CHST15: variants seen among roughly 807,000 people sequenced by gnomAD.
CHST15 encodes carbohydrate sulfotransferase 15, also known as B cell RAG associated protein (GALNAC4S-6ST).
CHST15 carries 30 observed loss-of-function variants against 53.6 expected under a neutral mutation model. The observed-to-expected ratio is 0.56, with a 90% CI of 0.42 to 0.76. The LOEUF (loss-of-function observed/expected upper bound fraction) is 0.76, where lower values mean the gene tolerates loss of function less well. Ranked by LOEUF, CHST15 falls within the 30% of genes least tolerant of loss-of-function variation. The pLI is 0.00. For synonymous variants in CHST15, 296 were observed against 289.8 expected, an observed-to-expected ratio of 1.02 and a Z score of -0.22; for missense variants, 627 against 740.5, an observed-to-expected ratio of 0.85 and a Z score of 1.78.
intron 1 of CHST15, among the ~76,000 whole-genome samples, chr10:124,061,595 T>A (rs1441734814): frequency 6.6e-6 from 1 of 152,236 alleles, no homozygotes; most frequent in Admixed American, 6.5e-5. Flanking sequence ...GGGCTATGCT[T>A]TCTGTTTACA....
At position 124,008,119 on chromosome 10, in the gene CHST15, T is replaced by C. The variant is rs1345400883; in HGVS notation, c.*2030A>G. ...GAAATAATACCTTCAGTAATACTTC[T>C]GTAAGAAGCAGAATTACACCACATG... On this transcript the variant is annotated 3_prime_UTR_variant, in exon 8 of 8. Transcript: ENST00000435907. 8.1e-7 allele frequency: 1 copy of C among 1,231,518 alleles called. No homozygotes were observed. Among genetic ancestry groups the C allele is most frequent in the East Asian group, 3.2e-5 (1 of 31,718 alleles). 76.3% of individuals were successfully genotyped at this position (1,231,518 alleles called of 1,614,324 possible).
intron 1 of CHST15, among the ~76,000 whole-genome samples, chr10:124,068,199 A>G (rs1459990777): frequency 1.3e-5 from 2 of 152,168 alleles, no homozygotes; most frequent in African/African-American, 4.8e-5. Context: ...AGTGGTTTAC[A>G]TGCTGACCAC....
At chr10:124,034,604 C>G (rs1202279917) in intron 5 of CHST15, among the ~76,000 whole-genome samples, 2 of 142,486 alleles carry the variant, frequency 1.4e-5, no homozygotes, top group East Asian at 2.5e-4. Context: ...GCTCCACCCC[C>G]TAACAGGGAC....
At chr10:124,085,869 T>A (rs1031474356) in intron 1 of CHST15, among the ~76,000 whole-genome samples, 21 of 151,942 alleles carry the variant, frequency 1.4e-4, no homozygotes, top group Non-Finnish European at 2.1e-4. Context: ...GGCTCGATGA[T>A]GAAGTAGGCA....
chr10:124,079,770 C>T (rs1053747527), intron 1 of CHST15, among the ~76,000 whole-genome samples: 1 of 152,220 alleles, frequency 6.6e-6, no homozygotes, highest in Middle Eastern at 3.2e-3. Flanking sequence ...AGGTCTCTGT[C>T]ACAGCCAGGG....
intron 1 of CHST15, among the ~76,000 whole-genome samples, chr10:124,050,596 C>G (rs541433076): frequency 1.3e-5 from 2 of 152,288 alleles, no homozygotes; most frequent in East Asian, 3.9e-4. Context: ...ATTGTCAGTG[C>G]CCCCTGGGGT....
chr10:124,063,320 T>C (rs1257028984), intron 1 of CHST15, among the ~76,000 whole-genome samples: 2 of 151,860 alleles, frequency 1.3e-5, no homozygotes, highest in Non-Finnish European at 2.9e-5. Flanking sequence ...GAGGTGGAGG[T>C]TGCAGTGAGC....
At chr10:124,078,005 C>T (rs903636034) in intron 1 of CHST15, among the ~76,000 whole-genome samples, 7 of 152,234 alleles carry the variant, frequency 4.6e-5, no homozygotes, top group African/African-American at 1.7e-4. Context: ...AAAGCACCTA[C>T]AAGGGGCAAG....
At chr10:124,022,815 T>TC in intron 5 of CHST15, among the ~76,000 whole-genome samples, 1 of 144,090 alleles carries the variant, frequency 6.9e-6, no homozygotes. Context: ...GCATTTCTTT[T>TC]TTTTTTTTTT....
At position 124,024,981 on chromosome 10, in the gene CHST15, C is replaced by A. The variant is rs1946939768; in HGVS notation, c.1191-3569G>T. Among the ~76,000 whole-genome samples, 1 of 152,186 alleles carries A rather than the reference C, an allele frequency of 6.6e-6. No homozygotes were observed. The highest frequency in any genetic ancestry group is 2.4e-5 in the African/African-American group (1 of 41,460). ...AAGCCCAGTTTTTACCAAAGATGCC[C>A]ACAGAACTACCCAAATTGTTTGGTG... On this transcript the variant is annotated intron_variant, in intron 5 of 7. Transcript: ENST00000435907. The surrounding 1 kb of genome is among the most constrained non-coding windows in gnomAD (Gnocchi z 4.0).
In CHST15 at chr10:124,019,123, C is replaced by A. The variant is rs1032405169; in HGVS notation, c.1347+2133G>T. 6.6e-6 allele frequency among the ~76,000 whole-genome samples: 1 copy of A among 151,478 alleles called. No individual in the cohort carries two copies. The highest frequency in any genetic ancestry group is 2.4e-5 in the African/African-American group (1 of 41,154). On this transcript the variant is annotated intron_variant, in intron 6 of 7. Coordinates refer to ENST00000435907, the MANE Select transcript of CHST15 (RefSeq NM_001270764.2). This position sits in a 1 kb window ranked among gnomAD's most constrained non-coding sequence, Gnocchi z 4.6. ...GCACCAGGAAAGTGTAGATGTGGCA[C>A]GAAATGGGCCTGGCCTGAGTCACAG...
intron 5 of CHST15, among the ~76,000 whole-genome samples, chr10:124,030,582 C>T (rs1274070518): frequency 2.0e-5 from 3 of 152,182 alleles, no homozygotes; most frequent in African/African-American, 4.8e-5. Flanking sequence ...TCCACAGAGG[C>T]GTTCTCCTAA....
At chr10:124,042,192 G>T in intron 4 of CHST15, 109 bp downstream of exon 4, 1 of 1,158,784 alleles carries the variant, frequency 8.6e-7, no homozygotes, top group Non-Finnish European at 1.2e-6. Flanking sequence ...GAAGTTTGCT[G>T]CCACCATGTA....
chr10:124,065,576 G>A (rs1948727952), intron 1 of CHST15, among the ~76,000 whole-genome samples: 1 of 152,066 alleles, frequency 6.6e-6, no homozygotes, highest in African/African-American at 2.4e-5. Context: ...GACACCCACA[G>A]AGAGCTACTC....
chr10:124,044,237 G>C (rs1947868779), intron 3 of CHST15, among the ~76,000 whole-genome samples: 1 of 151,676 alleles, frequency 6.6e-6, no homozygotes, highest in Admixed American at 6.6e-5. Context: ...GCACAGAGCT[G>C]GGAGCCAAGA....
chr10:124,044,499 C>G, intron 3 of CHST15, 81 bp downstream of exon 3: 1 of 1,220,270 alleles, frequency 8.2e-7, no homozygotes, highest in Admixed American at 3.3e-5. Context: ...CCTCGCCCCC[C>G]AACCCCAGCG....
chr10:124,013,167 C>G (rs150430817), intron 6 of CHST15, among the ~76,000 whole-genome samples: 1 of 152,280 alleles, frequency 6.6e-6, no homozygotes, highest in East Asian at 1.9e-4. Flanking sequence ...ATGTCTGGGC[C>G]CCTGGATGTC....
chr10:124,015,852 ACAGT>A (rs748732280), intron 6 of CHST15, among the ~76,000 whole-genome samples: 3 of 152,214 alleles, frequency 2.0e-5, no homozygotes, highest in Non-Finnish European at 4.4e-5. Flanking sequence ...GAGAGAGAAG[ACAGT>A]CAGAGTAAAG....
At position 124,027,328 on chromosome 10, in the gene CHST15, A is replaced by G. The variant is rs574335833; in HGVS notation, c.1191-5916T>C. 6.6e-5 allele frequency among the ~76,000 whole-genome samples: 10 copies of G among 152,222 alleles called. No homozygotes were observed. In the South Asian group the frequency reaches 2.1e-3, roughly 32 times the overall value. On this transcript the variant is annotated intron_variant, in intron 5 of 7. Transcript: ENST00000435907. ...CATCAATCCAGTGCCTCTGAAAGTG[A>G]CCATGTCTCTCCCCAAGGGACAAAG...
Sources: gnomAD v4.1 joint callset for allele counts (sites outside exome capture counted in the v4.1 genomes callset) on GRCh38, gnomAD v4.1.1 for gene constraint, Gnocchi (gnomAD v3.1) non-coding constraint, MANE v1.5 for transcripts, NCBI Gene and HGNC (gene_info 2026-07-23, HGNC 2026-07-21) for gene names.